The following AUTS2 variants were observed in gnomAD, a reference collection of about 807,000 sequenced individuals.
AUTS2 encodes autism susceptibility gene 2 protein.
A neutral mutation model predicts 112.4 loss-of-function variants in AUTS2; 17 were observed. The ratio of observed to expected loss-of-function variants is 0.15; its 90% CI spans 0.10 to 0.23. The LOEUF is 0.23. Among genes scored for constraint, AUTS2 ranks in the 10% least tolerant of loss-of-function variants. The probability of loss-of-function intolerance (pLI) is 1.00; values close to 1 mark genes in which losing one functional copy is unlikely to be tolerated. For synonymous variants in AUTS2, 751 were observed against 702.7 expected, an observed-to-expected ratio of 1.07 and a Z score of -1.09; for missense variants, 1,510 against 1,701.6, an observed-to-expected ratio of 0.89 and a Z score of 1.98.
At position 70,645,517 on chromosome 7, in the gene AUTS2, C is replaced by T. The variant is rs80298033; in HGVS notation, c.691-53052C>T. On this transcript the variant is annotated intron_variant, in intron 5 of 18. Coordinates refer to ENST00000342771, the MANE Select transcript of AUTS2 (RefSeq NM_015570.4). ...CAGAGGGGCAGCTTCATTCAGGAAC[C>T]GTTTCACATTTTCCAGCTAAGTGTG... 2.6e-4 allele frequency among the ~76,000 whole-genome samples: 40 copies of T among 152,206 alleles called. 1 individual carries two copies. In the East Asian group the frequency reaches 7.8e-3, roughly 30 times the overall value.
At chr7:70,407,825 C>T (rs1021499123) in intron 4 of AUTS2, among the ~76,000 whole-genome samples, 51 of 151,890 alleles carry the variant, frequency 3.4e-4, no homozygotes, top group Admixed American at 9.8e-4. Flanking sequence ...GAGGCCAAGG[C>T]GGGCGGATCA....
intron 5 of AUTS2, among the ~76,000 whole-genome samples, chr7:70,674,356 A>C (rs1807803624): frequency 6.6e-6 from 1 of 152,250 alleles, no homozygotes; most frequent in Non-Finnish European, 1.5e-5. Context: ...AGAAATCAAA[A>C]GGAAGGTGCT....
rs76351711 is a variant in AUTS2, at chr7:70,634,167, G to A, written c.691-64402G>A. 4.3e-3 allele frequency among the ~76,000 whole-genome samples: 659 copies of A among 152,326 alleles called. 5 individuals carry two copies. The highest frequency in any genetic ancestry group is 0.015 in the African/African-American group (628 of 41,568). On this transcript the variant is annotated intron_variant, in intron 5 of 18. Transcript: ENST00000342771. ...GAGAAGAGACAAGGAGAATTAATGA[G>A]TAAAATGGGATCTGTTGGAAGGGGG...
intron 2 of AUTS2, among the ~76,000 whole-genome samples, chr7:69,902,062 TA>T (rs1794990161): frequency 6.6e-6 from 1 of 152,218 alleles, no homozygotes; most frequent in Non-Finnish European, 1.5e-5. Context: ...GACATTTATT[TA>T]TTTTTAATGT....
chr7:70,192,975 A>G (rs182520918), intron 4 of AUTS2, among the ~76,000 whole-genome samples: 17 of 152,336 alleles, frequency 1.1e-4, no homozygotes, highest in Admixed American at 4.6e-4. Context: ...TTAGGTAGAT[A>G]CTAGTTATAG....
chr7:70,245,144 G>GTGTATATATATA (rs1233136341), intron 4 of AUTS2, among the ~76,000 whole-genome samples: 2 of 108,998 alleles, frequency 1.8e-5, no homozygotes, highest in African/African-American at 8.3e-5. Flanking sequence ...GTGTGTGTGT[G>GTGTATATATATA]TATATATATA....
chr7:69,981,617 C>T (rs1326029544), intron 2 of AUTS2, among the ~76,000 whole-genome samples: 1 of 152,128 alleles, frequency 6.6e-6, no homozygotes, highest in Non-Finnish European at 1.5e-5. Context: ...GCTTTCAGTA[C>T]ACACTATCAG....
At chr7:70,177,432 G>T (rs1332168258) in intron 4 of AUTS2, among the ~76,000 whole-genome samples, 2 of 152,158 alleles carry the variant, frequency 1.3e-5, no homozygotes, top group Non-Finnish European at 2.9e-5. Flanking sequence ...ATGTGTGCGT[G>T]GTGGTTATGG....
intron 4 of AUTS2, among the ~76,000 whole-genome samples, chr7:70,413,943 G>A (rs1794887592): frequency 6.6e-6 from 1 of 152,066 alleles, no homozygotes; most frequent in Non-Finnish European, 1.5e-5. Flanking sequence ...CCAAAGCGCT[G>A]GGATTACAGG....
intron 2 of AUTS2, among the ~76,000 whole-genome samples, chr7:69,964,658 T>C (rs1190725649): frequency 6.6e-6 from 1 of 151,894 alleles, no homozygotes; most frequent in Non-Finnish European, 1.5e-5. Flanking sequence ...AATCTTTCAT[T>C]ACCTTACTTT....
At chr7:69,635,520 T>C (rs533133908) in intron 1 of AUTS2, among the ~76,000 whole-genome samples, 1 of 152,326 alleles carries the variant, frequency 6.6e-6, no homozygotes, top group South Asian at 2.1e-4. Context: ...AAAGCTGACA[T>C]GAATGCTCTA....
intron 1 of AUTS2, among the ~76,000 whole-genome samples, chr7:69,842,759 T>C (rs1248202497): frequency 6.6e-6 from 1 of 152,190 alleles, no homozygotes; most frequent in African/African-American, 2.4e-5. Flanking sequence ...TTTGAGCTTC[T>C]GGTCCTGTGA....
intron 2 of AUTS2, among the ~76,000 whole-genome samples, chr7:70,082,839 A>G (rs1484095373): frequency 6.6e-6 from 1 of 152,188 alleles, no homozygotes; most frequent in Non-Finnish European, 1.5e-5. Flanking sequence ...CATTTTGTAT[A>G]TAAGGTCACC....
intron 4 of AUTS2, among the ~76,000 whole-genome samples, chr7:70,375,402 T>A (rs757855601): frequency 6.6e-6 from 1 of 152,180 alleles, no homozygotes; most frequent in Non-Finnish European, 1.5e-5. Flanking sequence ...ACCAGCCTCA[T>A]TTACTGGTTT....
intron 4 of AUTS2, among the ~76,000 whole-genome samples, chr7:70,219,769 AC>A (rs1811378489): frequency 7.9e-5 from 12 of 151,930 alleles, no homozygotes; most frequent in Admixed American, 7.9e-4. Flanking sequence ...ACAGGGTTTC[AC>A]CACATTGGTC....
At chr7:70,213,452 G>A (rs1262886170) in intron 4 of AUTS2, among the ~76,000 whole-genome samples, 1 of 150,276 alleles carries the variant, frequency 6.7e-6, no homozygotes, top group Non-Finnish European at 1.5e-5. Flanking sequence ...TGGATCACTG[G>A]ATCACTTGAG....
rs1791448332 is a variant in AUTS2 at position 70,786,054 on chromosome 7, T to C, written c.2308+16T>C. 6.2e-7 allele frequency: 1 copy of C among 1,608,644 alleles called. No homozygotes were observed. Among genetic ancestry groups the C allele is most frequent in the Non-Finnish European group, 8.5e-7 (1 of 1,175,200 alleles). On this transcript the variant is annotated intron_variant, in intron 17 of 18. Transcript: ENST00000342771. ...CCTTCCGTTAGTGAGTACCTCTAAC[T>C]TTTAAAAATCTGCCTTGGACTTTTT... is the stretch of plus-strand genomic sequence containing the variant.
chr7:69,823,767 G>C (rs749643303), intron 1 of AUTS2, among the ~76,000 whole-genome samples: 5 of 151,542 alleles, frequency 3.3e-5, no homozygotes, highest in Admixed American at 1.3e-4. Context: ...TGATTGCTAG[G>C]TGGAAAAAAA....
At chr7:70,304,458 G>T (rs1374126728) in intron 4 of AUTS2, among the ~76,000 whole-genome samples, 1 of 152,172 alleles carries the variant, frequency 6.6e-6, no homozygotes, top group South Asian at 2.1e-4. Flanking sequence ...ACTGGAGGCC[G>T]TGGCAGTGTC....
Sources: gnomAD v4.1 joint callset for allele counts (sites outside exome capture counted in the v4.1 genomes callset) on GRCh38, gnomAD v4.1.1 for gene constraint, MANE v1.5 for transcripts, NCBI Gene and HGNC (gene_info 2026-07-23, HGNC 2026-07-21) for gene names.